The following ACACA variants were observed in gnomAD, a reference collection of about 807,000 sequenced individuals.
The protein encoded by ACACA is acetyl-CoA carboxylase alpha, also known as acetyl-CoA carboxylase 1.
Under a neutral mutation model 296.1 loss-of-function variants are expected in ACACA, and 103 were observed. The ratio of observed to expected loss-of-function variants is 0.35; its 90% CI spans 0.30 to 0.41. ACACA has a LOEUF of 0.41. ACACA is among the 10% of genes least tolerant of loss of function. The probability of loss-of-function intolerance (pLI) is 1.00; values close to 1 mark genes in which losing one functional copy is unlikely to be tolerated. For synonymous variants in ACACA, 953 were observed against 1,038.6 expected, an observed-to-expected ratio of 0.92 and a Z score of 1.58; for missense variants, 1,554 against 2,989.7, an observed-to-expected ratio of 0.52 and a Z score of 11.20.
At position 37,187,278 on chromosome 17, in the gene ACACA, C is replaced by G. The variant is rs187657142; in HGVS notation, c.4776+999G>C. Among the ~76,000 whole-genome samples the G allele has an allele frequency of 6.1e-4, 93 of 152,266 alleles. 2 individuals are homozygous for G. The East Asian group carries it at 0.018, about 29-fold the overall frequency. On this transcript the variant is annotated intron_variant, in intron 39 of 55. Transcript: ENST00000616317. ...CAAACTGAGATTTTTAAAAATTCAT[C>G]TTCAAAAGACTGAAAAATATATTTT... is the stretch of plus-strand genomic sequence containing the variant.
intron 40 of ACACA, among the ~76,000 whole-genome samples, chr17:37,180,896 C>T (rs2077293167): frequency 6.6e-6 from 1 of 152,166 alleles, no homozygotes; most frequent in South Asian, 2.1e-4. Flanking sequence ...TTGGGAAATA[C>T]ACAGGTAACT....
At chr17:37,119,223 T>C (rs1428728985) in intron 50 of ACACA, among the ~76,000 whole-genome samples, 1 of 152,220 alleles carries the variant, frequency 6.6e-6, no homozygotes, top group Non-Finnish European at 1.5e-5. Flanking sequence ...CATCTTCTTT[T>C]GAATATCCTG....
chr17:37,105,914 G>T (rs1054232675), intron 52 of ACACA, among the ~76,000 whole-genome samples: 2 of 151,470 alleles, frequency 1.3e-5, no homozygotes, highest in Non-Finnish European at 2.9e-5. Context: ...GCTTTGAATG[G>T]TTCAATACTT....
rs929228171 is a variant in ACACA, at chr17:37,113,533, C to T, written c.6275-268G>A. ...CCAGATTGCCTTTCCATTTTATATC[C>T]TCTCTGAATTTCTGTACTCACGTTT... On this transcript the variant is annotated intron_variant, in intron 50 of 55. Coordinates refer to ENST00000616317, the MANE Select transcript of ACACA (RefSeq NM_198834.3). The surrounding 1 kb of genome is among the most constrained non-coding windows in gnomAD (Gnocchi z 4.0). Among the ~76,000 whole-genome samples, 12 of 152,160 alleles carry T rather than the reference C, an allele frequency of 7.9e-5. No individual in the cohort carries two copies. Among genetic ancestry groups the T allele is most frequent in the African/African-American group, 2.9e-4 (12 of 41,430 alleles).
rs2082940960 is a variant in ACACA at position 37,289,424 on chromosome 17, A to T, written c.339-4454T>A. The T allele has an allele frequency of 2.2e-6, 3 of 1,349,068 alleles. No homozygotes were observed. The South Asian group carries it at 3.4e-5, about 15-fold the overall frequency. The allele number at this position is 1,349,068 out of a possible 1,614,324, so 83.6% of individuals were successfully genotyped here. A position where few individuals can be genotyped will look rare whatever the true frequency, so the allele number is the denominator to read the frequency against. On this transcript the variant is annotated intron_variant, in intron 3 of 55. Transcript: ENST00000616317. The stretch of plus-strand genomic sequence containing the variant: ...GCTAAGGAAGTACCCACACCTTGAA[A>T]ATCAGCAACTGTAAGTATGGCACAA...
chr17:37,324,228 T>C (rs1482586902), intron 3 of ACACA, among the ~76,000 whole-genome samples: 9 of 150,412 alleles, frequency 6.0e-5, no homozygotes. Flanking sequence ...TAGCCAGACG[T>C]GGTGGCGCAT....
rs558488633 is a variant in ACACA, at chr17:37,379,063, C to T, written c.38+27199G>A. On this transcript the variant is annotated intron_variant, in intron 1 of 55. Coordinates refer to ENST00000616317, the MANE Select transcript of ACACA (RefSeq NM_198834.3). ...CTCCAGCTTGGGTGACAGAGCAAGGCACCGTCTCAAAAAAACCAACCAAAC... is the reference window on the plus strand; with the variant it reads ...CTCCAGCTTGGGTGACAGAGCAAGGTACCGTCTCAAAAAAACCAACCAAAC... The T allele has an allele frequency of 5.4e-6, 8 of 1,485,144 alleles. No individual in the cohort carries two copies. The African/African-American group carries it at 8.4e-5, about 16-fold the overall frequency. 92.0% of individuals were successfully genotyped at this position (1,485,144 alleles called of 1,614,324 possible).
chr17:37,107,503 C>T (rs2073756596), intron 52 of ACACA, among the ~76,000 whole-genome samples: 1 of 152,206 alleles, frequency 6.6e-6, no homozygotes, highest in Non-Finnish European at 1.5e-5. Context: ...CATATCTGCA[C>T]CTGGGGCAAC....
At chr17:37,247,000 A>C (rs2080740363) in intron 18 of ACACA, 24 bp from the exon 19 acceptor site, 7 of 1,613,476 alleles carry the variant, frequency 4.3e-6, no homozygotes, top group Non-Finnish European at 5.9e-6. Context: ...GGAAGTATGT[A>C]AGCTAAGAAA....
chr17:37,330,145 A>T (rs1287453331), intron 3 of ACACA, 28 bp downstream of exon 3: 1 of 1,613,642 alleles, frequency 6.2e-7, no homozygotes, highest in South Asian at 1.1e-5. Flanking sequence ...GACAGATTAA[A>T]TAAGTAGACC....
At position 37,244,575 on chromosome 17, in the gene ACACA, A is replaced by T. The variant is rs1342636684; in HGVS notation, c.2742+13T>A. ...CATTTGTACATCCCTTCCCCAGGAG[A>T]CGTGATACATACCTTGCTGCTAAAG... On this transcript the variant is annotated intron_variant, in intron 21 of 55. Coordinates refer to ENST00000616317, the MANE Select transcript of ACACA (RefSeq NM_198834.3). 2 of 1,613,922 alleles carry T rather than the reference A, an allele frequency of 1.2e-6. No individual in the cohort carries two copies. The highest frequency in any genetic ancestry group is 3.3e-4 in the Middle Eastern group (2 of 6,062).
At chr17:37,357,474 C>A (rs1054122086) in intron 1 of ACACA, among the ~76,000 whole-genome samples, 24 of 152,274 alleles carry the variant, frequency 1.6e-4, no homozygotes, top group Admixed American at 3.3e-4. Context: ...GTCTGGGTGA[C>A]AGAGCAAGAC....
intron 50 of ACACA, among the ~76,000 whole-genome samples, chr17:37,115,885 G>C (rs2143002722): frequency 6.6e-6 from 1 of 152,232 alleles, no homozygotes; most frequent in East Asian, 1.9e-4. Context: ...CCAAGTTGCA[G>C]GTGAGTAAAC....
intron 1 of ACACA, among the ~76,000 whole-genome samples, chr17:37,403,508 A>G (rs1286266444): frequency 2.0e-5 from 3 of 151,582 alleles, no homozygotes; most frequent in African/African-American, 4.9e-5. Context: ...AGTAGCTGGG[A>G]CTACAGGCAT....
At chr17:37,366,367 G>A (rs184096923) in intron 1 of ACACA, among the ~76,000 whole-genome samples, 1 of 151,870 alleles carries the variant, frequency 6.6e-6, no homozygotes, top group African/African-American at 2.4e-5. Flanking sequence ...TTATCGTCAA[G>A]AAAAATTGAG....
intron 25 of ACACA, among the ~76,000 whole-genome samples, chr17:37,228,256 G>A (rs1052169865): frequency 3.8e-5 from 5 of 130,400 alleles, no homozygotes; most frequent in Admixed American, 1.8e-4. Context: ...TGAGATTCTG[G>A]TTCCCTAATC....
rs759041799 is a variant in ACACA at position 37,226,290 on chromosome 17, G to A, written c.3360+49C>T. ...AAGTTCATTGTGTCTAGGACTGCCT[G>A]ATCTATGAAAGCCATCCCTCCTTTA... On this transcript the variant is annotated intron_variant, in intron 26 of 55. Coordinates refer to ENST00000616317, the MANE Select transcript of ACACA (RefSeq NM_198834.3). 12 of 1,391,642 alleles carry A rather than the reference G, an allele frequency of 8.6e-6. 1 individual carries two copies. Among genetic ancestry groups the A allele is most frequent in the South Asian group, 6.9e-5 (6 of 86,640 alleles). The allele number at this position is 1,391,642 out of a possible 1,614,324, so 86.2% of individuals were successfully genotyped here.
At chr17:37,177,569 TTTAATTACA>T (rs1372258047) in intron 41 of ACACA, among the ~76,000 whole-genome samples, 1 of 152,178 alleles carries the variant, frequency 6.6e-6, no homozygotes, top group Admixed American at 6.5e-5. Context: ...CATTTTGTGT[TTTAATTACA>T]TTAGTTAAAA....
At chr17:37,203,835 T>TG (rs2078382032) in intron 33 of ACACA, among the ~76,000 whole-genome samples, 1 of 152,208 alleles carries the variant, frequency 6.6e-6, no homozygotes, top group African/African-American at 2.4e-5. Flanking sequence ...ATGTGGTCAC[T>TG]GGCCAAGGGC....
Sources: allele counts gnomAD v4.1 joint callset (sites outside exome capture counted in the v4.1 genomes callset), GRCh38; gene constraint gnomAD v4.1.1; non-coding constraint Gnocchi (gnomAD v3.1); transcripts MANE v1.5; gene names NCBI Gene and HGNC (gene_info 2026-07-23, HGNC 2026-07-21).